The following MAP3K20 variants were observed in gnomAD, a reference collection of about 807,000 sequenced individuals.
MAP3K20 encodes HCCS-4.
A neutral mutation model predicts 85.7 loss-of-function variants in MAP3K20; 40 were observed. That is an observed-to-expected ratio of 0.47 (90% CI 0.36 to 0.61). The LOEUF is 0.61. Among genes scored for constraint, MAP3K20 ranks in the 20% least tolerant of loss-of-function variants. The pLI is 0.00. For synonymous variants in MAP3K20, 325 were observed against 327.7 expected, an observed-to-expected ratio of 0.99 and a Z score of 0.09; for missense variants, 817 against 961.7, an observed-to-expected ratio of 0.85 and a Z score of 1.99.
chr2:173,190,725 G>A (rs529458530), intron 5 of MAP3K20, among the ~76,000 whole-genome samples, 170 bp from the exon 6 acceptor site: 1 of 152,088 alleles, frequency 6.6e-6, no homozygotes, highest in African/African-American at 2.4e-5. Flanking sequence ...TTAAGTTTTT[G>A]TTTTAATGTC....
chr2:173,156,799 G>C (rs187457365), intron 2 of MAP3K20, among the ~76,000 whole-genome samples: 1 of 152,294 alleles, frequency 6.6e-6, no homozygotes, highest in East Asian at 1.9e-4. Context: ...TAGAATGCTG[G>C]TGAAAGTTCC....
At chr2:173,141,886 A>G (rs1262045249) in intron 2 of MAP3K20, among the ~76,000 whole-genome samples, 4 of 152,264 alleles carry the variant, frequency 2.6e-5, no homozygotes, top group African/African-American at 9.6e-5. Flanking sequence ...CTCACTAGAA[A>G]CAATGGAGGC....
At chr2:173,235,466 G>C (rs994201024) in intron 14 of MAP3K20, among the ~76,000 whole-genome samples, 6 of 152,180 alleles carry the variant, frequency 3.9e-5, no homozygotes, top group Admixed American at 3.9e-4. Flanking sequence ...CCTTGAACAT[G>C]ATGCTAAATG....
intron 8 of MAP3K20, among the ~76,000 whole-genome samples, chr2:173,199,747 A>G (rs377471505): frequency 6.6e-6 from 1 of 151,092 alleles, no homozygotes; most frequent in African/African-American, 2.4e-5. Flanking sequence ...AATAATTAAT[A>G]TTTTTAAATA....
Position 173,267,585 on chromosome 2 carries a change from G to A in MAP3K20, c.*835G>A, listed in dbSNP as rs745844615. ...AGAAACCAAAGATTTAAATTGCCTA[G>A]ATTTGTGGTTCTTTCTCTTCCTAAG... On this transcript the variant is annotated 3_prime_UTR_variant, in exon 20 of 20. Coordinates refer to ENST00000375213, the MANE Select transcript of MAP3K20 (RefSeq NM_016653.3). 1 of 152,142 alleles carries A rather than the reference G, an allele frequency of 6.6e-6. No homozygotes were observed. The highest frequency in any genetic ancestry group is 1.5e-5 in the Non-Finnish European group (1 of 68,044). 9.4% of individuals were successfully genotyped at this position (152,142 alleles called of 1,614,324 possible).
intron 1 of MAP3K20, among the ~76,000 whole-genome samples, chr2:173,078,378 T>C (rs781506062): frequency 6.6e-6 from 1 of 152,212 alleles, no homozygotes; most frequent in Non-Finnish European, 1.5e-5. Context: ...TCTATCTAAA[T>C]GTAGTAGGAA....
intron 2 of MAP3K20, among the ~76,000 whole-genome samples, chr2:173,141,476 AAGAAAAGGTC>A (rs1387634318): frequency 6.6e-6 from 1 of 152,184 alleles, no homozygotes; most frequent in East Asian, 1.9e-4. Flanking sequence ...AGGAAGGCAA[AAGAAAAGGTC>A]AGTATATGTG....
intron 10 of MAP3K20, chr2:173,212,482 A>G (rs1165476777): frequency 6.6e-6 from 1 of 152,170 alleles, no homozygotes; most frequent in South Asian, 2.1e-4. Context: ...AGATTTTAAT[A>G]CCAAGATAGG....
At chr2:173,190,535 T>C (rs1303480456) in intron 5 of MAP3K20, among the ~76,000 whole-genome samples, 1 of 152,202 alleles carries the variant, frequency 6.6e-6, no homozygotes, top group Non-Finnish European at 1.5e-5. Flanking sequence ...AAACCATATA[T>C]ATAATATGAA....
At chr2:173,128,080 C>T (rs532912768) in intron 2 of MAP3K20, among the ~76,000 whole-genome samples, 11 of 152,256 alleles carry the variant, frequency 7.2e-5, no homozygotes, top group Admixed American at 4.6e-4. Context: ...AGCCTTTCCA[C>T]ACCGAGTACA....
chr2:173,171,597 C>T (rs780408141), intron 3 of MAP3K20, among the ~76,000 whole-genome samples: 1 of 152,194 alleles, frequency 6.6e-6, no homozygotes, highest in Non-Finnish European at 1.5e-5. Flanking sequence ...CCTAGGTCAT[C>T]TCATCTGAAA....
At chr2:173,223,038 A>G in intron 11 of MAP3K20, 1 of 985,486 alleles carries the variant, frequency 1.0e-6, no homozygotes, top group Non-Finnish European at 1.2e-6. Context: ...ATGATCTAAC[A>G]GTATTTCTAA....
At chr2:173,149,808 A>T (rs913357832) in intron 2 of MAP3K20, among the ~76,000 whole-genome samples, 12 of 152,226 alleles carry the variant, frequency 7.9e-5, no homozygotes, top group Admixed American at 6.5e-4. Context: ...ATTGCCATTC[A>T]TTCTCACTAC....
chr2:173,148,344 T>C (rs1211169737), intron 2 of MAP3K20, among the ~76,000 whole-genome samples: 1 of 152,242 alleles, frequency 6.6e-6, no homozygotes. Flanking sequence ...GTTACCACTT[T>C]CTGGTAAAAT....
chr2:173,088,820 T>C (rs1687210664), intron 1 of MAP3K20, among the ~76,000 whole-genome samples: 1 of 152,178 alleles, frequency 6.6e-6, no homozygotes, highest in Admixed American at 6.5e-5. Flanking sequence ...TTTAACTAAA[T>C]AGGAATTACA....
At chr2:173,124,104 A>G (rs1227644715) in intron 2 of MAP3K20, among the ~76,000 whole-genome samples, 4 of 152,200 alleles carry the variant, frequency 2.6e-5, no homozygotes, top group Non-Finnish European at 5.9e-5. Flanking sequence ...GATTACCAGC[A>G]TCCCATATCC....
chr2:173,163,976 T>G (rs78321028), intron 2 of MAP3K20, among the ~76,000 whole-genome samples: 4 of 151,982 alleles, frequency 2.6e-5, no homozygotes, highest in Admixed American at 6.6e-5. Context: ...TTTTTTTTTT[T>G]CTGAGACGGA....
intron 8 of MAP3K20, among the ~76,000 whole-genome samples, chr2:173,202,093 TTTA>T (rs1389527268): frequency 6.6e-6 from 1 of 152,230 alleles, no homozygotes; most frequent in East Asian, 1.9e-4. Flanking sequence ...ATAGTCTACT[TTTA>T]TTAATTCCCA....
At chr2:173,237,989 AAAAAT>A (rs1427171323) in intron 14 of MAP3K20, among the ~76,000 whole-genome samples, 1 of 152,138 alleles carries the variant, frequency 6.6e-6, no homozygotes, top group Non-Finnish European at 1.5e-5. Flanking sequence ...CATCTCTACA[AAAAAT>A]AAAATAAATT....
Sources: gnomAD v4.1 joint callset for allele counts (sites outside exome capture counted in the v4.1 genomes callset) on GRCh38, gnomAD v4.1.1 for gene constraint, MANE v1.5 for transcripts, NCBI Gene and HGNC (gene_info 2026-07-23, HGNC 2026-07-21) for gene names.